The following GRID1 variants were observed in gnomAD, a reference collection of about 807,000 sequenced individuals.
GRID1 encodes the protein glutamate ionotropic receptor delta type subunit 1.
GRID1 carries 28 observed loss-of-function variants against 98.0 expected under a neutral mutation model. The ratio of observed to expected loss-of-function variants is 0.29; its 90% CI spans 0.21 to 0.39. GRID1 has a LOEUF of 0.39. Ranked by LOEUF, GRID1 falls within the 10% of genes least tolerant of loss-of-function variation. The pLI, the probability that GRID1 is intolerant of heterozygous loss-of-function variation, is 1.00. For missense variants in GRID1, 1,111 were observed against 1,340.5 expected, an observed-to-expected ratio of 0.83 and a Z score of 2.67; for synonymous variants, 553 against 538.5, an observed-to-expected ratio of 1.03 and a Z score of -0.37.
chr10:85,675,405 A>T (rs1203311798), intron 12 of GRID1, among the ~76,000 whole-genome samples: 3 of 152,206 alleles, frequency 2.0e-5, no homozygotes, highest in African/African-American at 7.2e-5. Context: ...AAAATAATGC[A>T]GGAGGAGCTT....
intron 8 of GRID1, among the ~76,000 whole-genome samples, chr10:85,843,597 T>C (rs1380799823): frequency 6.6e-6 from 1 of 151,924 alleles, no homozygotes; most frequent in South Asian, 2.1e-4. Context: ...CAGTACAATA[T>C]AAGCAATCGT....
At chr10:85,781,158 A>C (rs374450256) in intron 8 of GRID1, among the ~76,000 whole-genome samples, 29 of 152,232 alleles carry the variant, frequency 1.9e-4, no homozygotes, top group African/African-American at 6.8e-4. Flanking sequence ...TTCTAGGATT[A>C]AAAGCTGGCA....
At chr10:86,243,886 T>C (rs996888288) in intron 2 of GRID1, among the ~76,000 whole-genome samples, 1 of 152,078 alleles carries the variant, frequency 6.6e-6, no homozygotes, top group Non-Finnish European at 1.5e-5. Context: ...AATCCAGCCT[T>C]CCCCAGTCCT....
intron 4 of GRID1, among the ~76,000 whole-genome samples, chr10:86,049,278 AT>A (rs1432989164): frequency 6.6e-6 from 1 of 152,208 alleles, no homozygotes; most frequent in Non-Finnish European, 1.5e-5. Flanking sequence ...ACATACTTTG[AT>A]TAGATGAGTG....
chr10:86,227,848 T>C (rs1846378871), intron 2 of GRID1, among the ~76,000 whole-genome samples: 1 of 152,182 alleles, frequency 6.6e-6, no homozygotes, highest in African/African-American at 2.4e-5. Context: ...CCATGCCTCA[T>C]CTGTGCTTAG....
intron 4 of GRID1, among the ~76,000 whole-genome samples, chr10:86,121,399 G>A (rs1009773400): frequency 0.013 from 1,096 of 87,334 alleles, 22 homozygotes; most frequent in African/African-American, 0.045. Context: ...TATCTCCATC[G>A]CCATCATCAA....
intron 2 of GRID1, among the ~76,000 whole-genome samples, chr10:86,209,399 T>C (rs1266673162): frequency 2.0e-5 from 3 of 152,164 alleles, no homozygotes; most frequent in Non-Finnish European, 4.4e-5. Flanking sequence ...TTGTGTAGAG[T>C]AGGTATCATT....
At chr10:85,931,296 T>A (rs1841847716) in intron 4 of GRID1, among the ~76,000 whole-genome samples, 1 of 152,152 alleles carries the variant, frequency 6.6e-6, no homozygotes, top group Non-Finnish European at 1.5e-5. Context: ...TCATCTACTT[T>A]GAGTAAGAGC....
intron 14 of GRID1, among the ~76,000 whole-genome samples, chr10:85,617,305 T>C (rs1842803400): frequency 6.7e-6 from 1 of 148,470 alleles, no homozygotes; most frequent in Non-Finnish European, 1.5e-5. Flanking sequence ...TGATCTCAGC[T>C]CACTGCAATC....
At chr10:85,852,249 C>A (rs551794294) in intron 8 of GRID1, among the ~76,000 whole-genome samples, 2 of 152,304 alleles carry the variant, frequency 1.3e-5, no homozygotes, top group South Asian at 4.1e-4. Context: ...AAAATAAAGC[C>A]GACTTGAAAA....
At chr10:85,756,596 G>A (rs1367287248) in intron 8 of GRID1, among the ~76,000 whole-genome samples, 2 of 152,358 alleles carry the variant, frequency 1.3e-5, no homozygotes, top group Non-Finnish European at 1.5e-5. Context: ...GTAGGATGGA[G>A]CCAGATGGAG....
At chr10:86,276,487 T>C (rs960936745) in intron 2 of GRID1, among the ~76,000 whole-genome samples, 4 of 152,052 alleles carry the variant, frequency 2.6e-5, no homozygotes, top group African/African-American at 4.8e-5. Context: ...AATTCAACAC[T>C]TGATACTCAA....
chr10:86,216,960 G>A (rs1044808800), intron 2 of GRID1, among the ~76,000 whole-genome samples: 4 of 152,138 alleles, frequency 2.6e-5, no homozygotes. Context: ...GAAAAAGGCT[G>A]AAAAAGAGGA....
chr10:85,770,685 C>A (rs1329709797), intron 8 of GRID1, among the ~76,000 whole-genome samples: 1 of 152,118 alleles, frequency 6.6e-6, no homozygotes, highest in Non-Finnish European at 1.5e-5. Flanking sequence ...AATGCAGAAG[C>A]CTCGGGAGCC....
intron 4 of GRID1, among the ~76,000 whole-genome samples, chr10:86,022,156 A>G (rs1843058628): frequency 1.3e-5 from 2 of 152,222 alleles, no homozygotes. Context: ...GTACATTTAC[A>G]GCATATCTTA....
intron 15 of GRID1, among the ~76,000 whole-genome samples, chr10:85,604,706 A>G (rs1048816599): frequency 2.0e-5 from 3 of 152,210 alleles, no homozygotes; most frequent in African/African-American, 7.2e-5. Context: ...ATTACCTTAC[A>G]CCATGGTGGA....
At chr10:85,892,645 C>T (rs1421920642) in intron 5 of GRID1, among the ~76,000 whole-genome samples, 2 of 151,242 alleles carry the variant, frequency 1.3e-5, no homozygotes. Flanking sequence ...AAAAAATCTT[C>T]AGGAAAAAAA....
At chr10:85,967,691 C>T (rs1842355100) in intron 4 of GRID1, among the ~76,000 whole-genome samples, 1 of 152,166 alleles carries the variant, frequency 6.6e-6, no homozygotes, top group Non-Finnish European at 1.5e-5. Flanking sequence ...GAATGAAGCT[C>T]AATCAATGCT....
chr10:85,885,643 C>T (rs1414115980), intron 5 of GRID1, among the ~76,000 whole-genome samples: 1 of 152,112 alleles, frequency 6.6e-6, no homozygotes, highest in Non-Finnish European at 1.5e-5. Flanking sequence ...CCATTCAGGC[C>T]TCTGATGTAA....
Sources: gnomAD v4.1 joint callset for allele counts (sites outside exome capture counted in the v4.1 genomes callset) on GRCh38, gnomAD v4.1.1 for gene constraint, MANE v1.5 for transcripts, NCBI Gene and HGNC (gene_info 2026-07-23, HGNC 2026-07-21) for gene names.